The following ABR variants were observed in gnomAD, a reference collection of about 807,000 sequenced individuals.
ABR encodes the protein ABR activator of RhoGEF and GTPase, also known as active breakpoint cluster region-related protein.
A neutral mutation model predicts 107.2 loss-of-function variants in ABR; 35 were observed. The ratio of observed to expected loss-of-function variants is 0.33; its 90% CI spans 0.25 to 0.43. The LOEUF is 0.43. Among genes scored for constraint, ABR ranks in the 20% least tolerant of loss-of-function variants. The pLI, the probability that ABR is intolerant of heterozygous loss-of-function variation, is 1.00. For synonymous variants in ABR, 498 were observed against 462.0 expected, an observed-to-expected ratio of 1.08 and a Z score of -1.00; for missense variants, 815 against 1,115.2, an observed-to-expected ratio of 0.73 and a Z score of 3.83.
chr17:1,188,194 C>T (rs1012206501), upstream of ABR, among the ~76,000 whole-genome samples: 6 of 151,446 alleles, frequency 4.0e-5, no homozygotes, highest in Non-Finnish European at 7.4e-5. Context: ...GGAGACAGAG[C>T]GAGACCCTGT....
At chr17:1,215,252 C>CTCTCCCTCTCTCTCCACGG (rs2042976934) in intron 1 of ABR, among the ~76,000 whole-genome samples, 1 of 151,204 alleles carries the variant, frequency 6.6e-6, no homozygotes, top group Admixed American at 6.6e-5. Flanking sequence ...AGAGCTCTCC[C>CTCTCCCTCTCTCTCCACGG]TCTCCCTCTC....
intron 1 of ABR, among the ~76,000 whole-genome samples, chr17:1,208,906 C>T (rs964778248): frequency 2.1e-5 from 3 of 143,970 alleles, no homozygotes; most frequent in African/African-American, 5.4e-5. Context: ...AAAAAAAAAG[C>T]CTGCTTTGTG....
At position 1,179,519 on chromosome 17, in the gene ABR, T is replaced by C. The variant is rs1389847455; in HGVS notation, c.61+148A>G. 1.3e-6 allele frequency: 1 copy of C among 797,286 alleles called. No individual in the cohort carries two copies. The highest frequency in any genetic ancestry group is 1.9e-5 in the African/African-American group (1 of 53,446). 49.4% of individuals were successfully genotyped at this position (797,286 alleles called of 1,614,324 possible). ...AACCCGACCCCGATCCGGACCCCGA[T>C]CTCGCCCCCGCCCGCGCTCCCCGGA... On this transcript the variant is annotated intron_variant, in intron 1 of 22. Transcript: ENST00000302538. This position sits in a 1 kb window ranked among gnomAD's most constrained non-coding sequence, Gnocchi z 4.9.
At chr17:1,203,818 C>T (rs1436456683) in intron 1 of ABR, among the ~76,000 whole-genome samples, 1 of 152,102 alleles carries the variant, frequency 6.6e-6, no homozygotes, top group African/African-American at 2.4e-5. Flanking sequence ...TGGCGAGAGA[C>T]CCGCCAGGGG....
At chr17:1,173,374 C>A (rs976609651) in intron 1 of ABR, among the ~76,000 whole-genome samples, 1 of 144,842 alleles carries the variant, frequency 6.9e-6, no homozygotes, top group Admixed American at 6.8e-5. Flanking sequence ...CTCAGCCCAC[C>A]CCCCACACAT....
At chr17:1,077,968 C>T (rs953641027) in intron 6 of ABR, among the ~76,000 whole-genome samples, 2 of 152,190 alleles carry the variant, frequency 1.3e-5, no homozygotes, top group Non-Finnish European at 2.9e-5. Flanking sequence ...GGACACCTCC[C>T]TACCTGGGCC....
At position 1,148,534 on chromosome 17, in the gene ABR, C is replaced by T. The variant is rs550082069; in HGVS notation, c.62-23167G>A. On this transcript the variant is annotated intron_variant, in intron 1 of 22. Transcript: ENST00000302538. The surrounding 1 kb of genome is among the most constrained non-coding windows in gnomAD (Gnocchi z 4.9). ...GCCTGTTGGGAACCAGGATGCACAG[C>T]CGGAGGTGAGTGGTGGGTGAGCAAG... 6.6e-6 allele frequency among the ~76,000 whole-genome samples: 1 copy of T among 152,174 alleles called. No individual in the cohort carries two copies. Among genetic ancestry groups the T allele is most frequent in the Non-Finnish European group, 1.5e-5 (1 of 68,038 alleles).
At chr17:1,171,561 T>G (rs1180150736) in intron 1 of ABR, among the ~76,000 whole-genome samples, 2 of 152,176 alleles carry the variant, frequency 1.3e-5, no homozygotes, top group African/African-American at 4.8e-5. Flanking sequence ...TTAGGCAAGA[T>G]GCCCAATCAC....
At chr17:1,044,523 C>T (rs553760343) in intron 16 of ABR, among the ~76,000 whole-genome samples, 1 of 151,806 alleles carries the variant, frequency 6.6e-6, no homozygotes, top group African/African-American at 2.4e-5. Context: ...TGGTGGTGGG[C>T]GCCTGTAATC....
intron 2 of ABR, among the ~76,000 whole-genome samples, chr17:1,102,277 C>T (rs749144376): frequency 4.8e-4 from 73 of 152,280 alleles, no homozygotes; most frequent in Middle Eastern, 3.4e-3. Context: ...CCTGAGGCAT[C>T]GTGGCCACAG....
chr17:1,151,128 G>C (rs1015581625), intron 1 of ABR, among the ~76,000 whole-genome samples: 3 of 152,124 alleles, frequency 2.0e-5, no homozygotes, highest in African/African-American at 7.2e-5. Flanking sequence ...CTTCAACATG[G>C]AGTAACAGTA....
intron 16 of ABR, among the ~76,000 whole-genome samples, chr17:1,023,969 G>T (rs2071941682): frequency 7.0e-6 from 1 of 141,904 alleles, no homozygotes; most frequent in Non-Finnish European, 1.5e-5. Flanking sequence ...AGGTTGCGGT[G>T]AGCCGAGATT....
chr17:1,148,365 G>A lies in ABR; in HGVS notation c.62-22998C>T, dbSNP rs998830040. Among the ~76,000 whole-genome samples the A allele has an allele frequency of 4.6e-5, 7 of 152,150 alleles. No homozygotes were observed. The highest frequency in any genetic ancestry group is 2.0e-4 in the Admixed American group (3 of 15,270). The stretch of plus-strand genomic sequence containing the variant: ...AGGCAAATACCACATGATTCCACTC[G>A]GATGAGGTGCTTAGAGCAGTTAGAT... On this transcript the variant is annotated intron_variant, in intron 1 of 22. Transcript: ENST00000302538. This position sits in a 1 kb window ranked among gnomAD's most constrained non-coding sequence, Gnocchi z 4.9.
At chr17:1,215,804 A>G (rs1374107280) in intron 1 of ABR, among the ~76,000 whole-genome samples, 5 of 149,390 alleles carry the variant, frequency 3.3e-5, no homozygotes, top group East Asian at 4.0e-4. Context: ...AGGTGGACAT[A>G]GGAGACTCCA....
At chr17:1,175,748 A>G (rs79126983) in intron 1 of ABR, among the ~76,000 whole-genome samples, 4,643 of 152,044 alleles carry the variant, frequency 0.031, 206 homozygotes, top group East Asian at 0.095. Flanking sequence ...AAGTGGGCAC[A>G]CTCCTCCTGT....
Position 1,119,800 on chromosome 17 carries a change from C to G in ABR, c.246+5383G>C, listed in dbSNP as rs78394653. On this transcript the variant is annotated intron_variant, in intron 2 of 22. Transcript: ENST00000302538. ...AGGGCGTGTGAGCGGGACCTGACAG[C>G]GCTGTGCAGGCTCTGGCATCATAGA... Among the ~76,000 whole-genome samples, 337 of 152,334 alleles carry G rather than the reference C, an allele frequency of 2.2e-3. 1 individual carries two copies. Among genetic ancestry groups the G allele is most frequent in the Non-Finnish European group, 4.0e-3 (270 of 68,036 alleles).
chr17:1,049,534 T>C (rs1281319057), intron 16 of ABR, among the ~76,000 whole-genome samples: 2 of 151,824 alleles, frequency 1.3e-5, no homozygotes, highest in East Asian at 3.9e-4. Context: ...AGCCACAGAC[T>C]CCCAACGCAG....
At chr17:1,132,240 CATAT>C in intron 1 of ABR, among the ~76,000 whole-genome samples, 1 of 151,896 alleles carries the variant, frequency 6.6e-6, no homozygotes, top group East Asian at 1.9e-4. Flanking sequence ...CACACATACA[CATAT>C]ATATATACCT....
At chr17:1,072,893 G>A (rs1412652205) in intron 7 of ABR, 139 bp from the exon 8 acceptor site, 4 of 1,218,874 alleles carry the variant, frequency 3.3e-6, no homozygotes, top group Middle Eastern at 2.8e-4. Flanking sequence ...CTACAAATCA[G>A]AGTCAGGCCG....
Sources: allele counts gnomAD v4.1 joint callset (sites outside exome capture counted in the v4.1 genomes callset), GRCh38; gene constraint gnomAD v4.1.1; non-coding constraint Gnocchi (gnomAD v3.1); transcripts MANE v1.5; gene names NCBI Gene and HGNC (gene_info 2026-07-23, HGNC 2026-07-21).